TNKS1BP1: variants seen among roughly 807,000 people sequenced by gnomAD.
The protein encoded by TNKS1BP1 is 182 kDa tankyrase-1-binding protein.
In TNKS1BP1, 48 loss-of-function variants were observed where a neutral mutation model predicts 141.1. The ratio of observed to expected loss-of-function variants is 0.34; its 90% CI spans 0.27 to 0.43. The LOEUF (loss-of-function observed/expected upper bound fraction) is 0.43. Ranked by LOEUF, TNKS1BP1 falls within the 20% of genes least tolerant of loss-of-function variation. The pLI, the probability that TNKS1BP1 is intolerant of heterozygous loss-of-function variation, is 1.00. For synonymous variants in TNKS1BP1, 875 were observed against 898.2 expected (o/e 0.97, Z 0.46); for missense variants, 2,149 against 2,226.0 (o/e 0.97, Z 0.70).
intron 5 of TNKS1BP1, among the ~76,000 whole-genome samples, chr11:57,311,788 C>G (rs1339412898): frequency 6.6e-6 from 1 of 152,258 alleles, no homozygotes. Flanking sequence ...GGCGCTGGCC[C>G]GGGCCCAGCC....
At position 57,308,436 on chromosome 11, in the gene TNKS1BP1, G is replaced by A. The variant is rs752924876; in HGVS notation, c.4275C>T (p.Asp1425=). The change falls in exon 6 of 12, where the codon GAC becomes GAT. Residue 1425 remains aspartate (D), a synonymous_variant. Coordinates refer to ENST00000358252, the MANE Select transcript of TNKS1BP1 (RefSeq NM_033396.3). ...GGGCTTCTCCTGTCTCCATTCCAGG[G>A]TCTGCAGGGTGTGGCTCCAAGGAAG... is the stretch of plus-strand genomic sequence containing the variant. ...SSSSLEPHPA[D]PGMETGEALS... The A allele has an allele frequency of 6.2e-7, 1 of 1,614,120 alleles. No individual in the cohort carries two copies. Among genetic ancestry groups the A allele is most frequent in the African/African-American group, 1.3e-5 (1 of 75,028 alleles).
chr11:57,322,704 G>C lies in TNKS1BP1; in HGVS notation c.-65-754C>G, dbSNP rs545860905. 3.3e-5 allele frequency among the ~76,000 whole-genome samples: 5 copies of C among 152,306 alleles called. No homozygotes were observed. The East Asian group carries it at 7.7e-4, about 24-fold the overall frequency. On this transcript the variant is annotated intron_variant, in intron 1 of 11. Coordinates refer to ENST00000358252, the MANE Select transcript of TNKS1BP1 (RefSeq NM_033396.3). ...AGGGCCTAGCCAAGAGGAAGGAGGA[G>C]CCGGCCCAGGCCTGGGCTGGGAGAA...
In TNKS1BP1 at chr11:57,302,131, T is replaced by G. The variant is rs1240839638; in HGVS notation, c.4777A>C (p.Thr1593Pro). The stretch of plus-strand genomic sequence containing the variant: ...TCTGCTGCCTCCGACAGGCCCAAGG[T>G]ACCCCCAGGCCGAATGACCGGGGCC... ...HRAPVIRPGG[T>P]LGLSEAADSD... The change falls in exon 8 of 12, where the codon ACC becomes CCC. Residue 1593 changes from threonine to proline, a missense_variant. Physicochemically the swap from Thr to Pro is conservative, Grantham distance 38. Coordinates refer to ENST00000358252, the MANE Select transcript of TNKS1BP1 (RefSeq NM_033396.3). The surrounding 1 kb of genome is among the most constrained non-coding windows in gnomAD (Gnocchi z 5.5). 6.2e-7 allele frequency: 1 copy of G among 1,613,722 alleles called. No individual in the cohort carries two copies. Among genetic ancestry groups the G allele is most frequent in the Non-Finnish European group, 8.5e-7 (1 of 1,179,992 alleles).
At chr11:57,300,693 C>A in intron 10 of TNKS1BP1, 93 bp from the exon 11 acceptor site, 1 of 1,550,318 alleles carries the variant, frequency 6.5e-7, no homozygotes, top group East Asian at 2.2e-5. Context: ...ACCCTCTAAC[C>A]AGAAGAGGCA....
Position 57,309,077 on chromosome 11 carries a change from C to T in TNKS1BP1, c.3634G>A (p.Gly1212Arg), listed in dbSNP as rs1855660302. 1.9e-6 allele frequency: 3 copies of T among 1,614,184 alleles called. No homozygotes were observed. Among genetic ancestry groups the T allele is most frequent in the Non-Finnish European group, 2.5e-6 (3 of 1,180,036 alleles). Residue 1212 changes from glycine to arginine, a missense_variant, in exon 6 of 12, where the codon GGA becomes AGA. Coordinates refer to ENST00000358252, the MANE Select transcript of TNKS1BP1 (RefSeq NM_033396.3). This position sits in a 1 kb window ranked among gnomAD's most constrained non-coding sequence, Gnocchi z 4.3. ...DMNLTGCLESGGSEEPGGIGV... is the reference protein window; with the variant it reads ...DMNLTGCLESRGSEEPGGIGV... The stretch of plus-strand genomic sequence containing the variant: ...ATTCCCCCCGGCTCTTCAGACCCTC[C>T]ACTTTCCAAACAGCCGGTCAGGTTC...
At chr11:57,307,068 T>A (rs1277501550) in intron 6 of TNKS1BP1, among the ~76,000 whole-genome samples, 2 of 152,102 alleles carry the variant, frequency 1.3e-5, no homozygotes, top group African/African-American at 4.8e-5. Context: ...CTTTCCTGCT[T>A]CACAGAGCAG....
At chr11:57,314,453 G>A (rs1328161260) in intron 4 of TNKS1BP1, among the ~76,000 whole-genome samples, 2 of 152,188 alleles carry the variant, frequency 1.3e-5, no homozygotes, top group African/African-American at 2.4e-5. Context: ...AAAGGCACTG[G>A]GGGGTGTGAC....
chr11:57,324,702 A>G, intron 1 of TNKS1BP1, 138 bp downstream of exon 1: 2 of 892,248 alleles, frequency 2.2e-6, no homozygotes, highest in Non-Finnish European at 2.7e-6. Flanking sequence ...GGCCCCTGCA[A>G]ACTTTCCTGG....
intron 9 of TNKS1BP1, among the ~76,000 whole-genome samples, chr11:57,301,464 CCT>C (rs1446367970): frequency 4.6e-5 from 7 of 152,110 alleles, no homozygotes; most frequent in Admixed American, 4.6e-4. Context: ...GGAAATAACT[CCT>C]CTCTCTCTGA....
At position 57,302,543 on chromosome 11, in the gene TNKS1BP1, G is replaced by A. The variant is rs138321958; in HGVS notation, c.4599C>T (p.Ser1533=). 31 of 1,612,824 alleles carry A rather than the reference G, an allele frequency of 1.9e-5. No individual in the cohort carries two copies. Among genetic ancestry groups the A allele is most frequent in the Non-Finnish European group, 2.3e-5 (27 of 1,179,834 alleles). The part of the protein sequence containing the change: ...GTWGSSAARW[S]DQGPAQTSRR... ...GAGAAGTCTGTGCTGGCCCCTGATC[G>A]CTCCACCTGGCTGCTGAAGAGCCCC... The change falls in exon 7 of 12, where the codon AGC becomes AGT. Residue 1533 remains serine (S), a synonymous_variant. Transcript: ENST00000358252. The surrounding 1 kb of genome is among the most constrained non-coding windows in gnomAD (Gnocchi z 5.5).
chr11:57,313,962 C>A, intron 4 of TNKS1BP1, 73 bp from the exon 5 acceptor site: 1 of 1,380,550 alleles, frequency 7.2e-7, no homozygotes, highest in Non-Finnish European at 9.4e-7. Context: ...TCCGACCCCA[C>A]ACAGACCCCA....
At position 57,324,613 on chromosome 11, in the gene TNKS1BP1, C is replaced by A. The variant is rs1029343639; in HGVS notation, c.-66+227G>T. On this transcript the variant is annotated intron_variant, in intron 1 of 11. Coordinates refer to ENST00000358252, the MANE Select transcript of TNKS1BP1 (RefSeq NM_033396.3). ...CCCCTTTCTTCTGGCTCTGCCAGCA[C>A]GAGCTCCAAGCCATGCGCCCTCCGC... 1.4e-3 allele frequency among the ~76,000 whole-genome samples: 208 copies of A among 150,328 alleles called. 7 individuals carry two copies. Among genetic ancestry groups the A allele is most frequent in the Admixed American group, 5.3e-4 (8 of 15,146 alleles).
chr11:57,302,904 T>C lies in TNKS1BP1; in HGVS notation c.4317-79A>G. 7.1e-7 allele frequency: 1 copy of C among 1,408,404 alleles called. No individual in the cohort carries two copies. The allele number at this position is 1,408,404 out of a possible 1,614,324, so 87.2% of individuals were successfully genotyped here. A position where few individuals can be genotyped will look rare whatever the true frequency, so the allele number is the denominator to read the frequency against. ...CCTGAAGCCTACTTCACAAGCTCCT[T>C]CCCCCAGCCCCCAAACTCTCCCTTG... On this transcript the variant is annotated intron_variant, in intron 6 of 11. Coordinates refer to ENST00000358252, the MANE Select transcript of TNKS1BP1 (RefSeq NM_033396.3). The surrounding 1 kb of genome is among the most constrained non-coding windows in gnomAD (Gnocchi z 5.5).
intron 9 of TNKS1BP1, 30 bp downstream of exon 9, chr11:57,301,777 G>A (rs1855527798): frequency 1.9e-6 from 3 of 1,595,934 alleles, no homozygotes; most frequent in East Asian, 2.3e-5. Context: ...CCAGATGGCT[G>A]GACATGTTTG....
chr11:57,309,909 A>T lies in TNKS1BP1; in HGVS notation c.2802T>A (p.Asp934Glu), dbSNP rs759854077. ...GGCTGCCATAGGTGCCGAGTGACAC[A>T]TCTCTCTTCTGAAACTCCCAGTCCT... ...DEQDWEFQKR[D>E]VSLGTYGSRA... The change falls in exon 6 of 12, where the codon GAT (aspartate) becomes GAA (glutamate). Residue 934 changes from aspartate (D) to glutamate (E), a missense_variant. Transcript: ENST00000358252. The surrounding 1 kb of genome is among the most constrained non-coding windows in gnomAD (Gnocchi z 4.3). 1.5e-5 allele frequency: 24 copies of T among 1,613,756 alleles called. No homozygotes were observed. The African/African-American group carries it at 2.4e-4, about 16-fold the overall frequency.
chr11:57,321,817 C>A lies in TNKS1BP1; in HGVS notation c.69G>T (p.Glu23Asp). The stretch of plus-strand genomic sequence containing the variant: ...CTGGCTCAGAGCCAGTAGGCACCAG[C>A]TCCTCCTCCATCTCCCGGGGCAGTG... ...ASPLPREMEE[E>D]LVPTGSEPGD... The change falls in exon 2 of 12, where the codon GAG becomes GAT. Residue 23 changes from glutamate to aspartate, a missense_variant. Physicochemically the swap from Glu to Asp is conservative, Grantham distance 45. Coordinates refer to ENST00000358252, the MANE Select transcript of TNKS1BP1 (RefSeq NM_033396.3). 6.2e-7 allele frequency: 1 copy of A among 1,614,072 alleles called. No individual in the cohort carries two copies. The highest frequency in any genetic ancestry group is 8.5e-7 in the Non-Finnish European group (1 of 1,179,998).
chr11:57,313,520 G>A lies in TNKS1BP1; in HGVS notation c.1168C>T (p.Pro390Ser), dbSNP rs915157118. ...LDQPPATSPRPLIEVGELLDL... is the reference protein window; with the variant it reads ...LDQPPATSPRSLIEVGELLDL... Reference sequence around the variant, plus strand: ...AGCAACTCACCCACCTCGATCAGGGGCCGGGGTGAGGTGGCAGGGGGCTGA... The same window carrying A: ...AGCAACTCACCCACCTCGATCAGGGACCGGGGTGAGGTGGCAGGGGGCTGA... The change falls in exon 5 of 12, where the codon CCC becomes TCC. Residue 390 changes from proline (P) to serine (S), a missense_variant. Coordinates refer to ENST00000358252, the MANE Select transcript of TNKS1BP1 (RefSeq NM_033396.3). 6 of 1,571,604 alleles carry A rather than the reference G, an allele frequency of 3.8e-6. No homozygotes were observed. The Admixed American group carries it at 5.4e-5, about 14-fold the overall frequency.
intron 6 of TNKS1BP1, among the ~76,000 whole-genome samples, chr11:57,308,085 T>C (rs888620643): frequency 6.6e-6 from 1 of 152,048 alleles, no homozygotes. Flanking sequence ...GTAGAACCCA[T>C]CAGAAACCAT....
chr11:57,303,128 A>T (rs1186063929), intron 6 of TNKS1BP1: 1 of 355,670 alleles, frequency 2.8e-6, no homozygotes, highest in Non-Finnish European at 5.1e-6. Context: ...TAAAGCACTT[A>T]GCACAGTCCT....
Sources: allele counts gnomAD v4.1 joint callset (sites outside exome capture counted in the v4.1 genomes callset), GRCh38; gene constraint gnomAD v4.1.1; non-coding constraint Gnocchi (gnomAD v3.1); transcripts MANE v1.5; gene names NCBI Gene and HGNC (gene_info 2026-07-23, HGNC 2026-07-21).